MARK2: variants seen among roughly 807,000 people sequenced by gnomAD.
MARK2 encodes serine/threonine-protein kinase MARK2.
A neutral mutation model predicts 89.8 loss-of-function variants in MARK2; 16 were observed. The ratio of observed to expected loss-of-function variants is 0.18; its 90% CI spans 0.12 to 0.27. The LOEUF (loss-of-function observed/expected upper bound fraction) is 0.27, where lower values mean the gene tolerates loss of function less well. Among genes scored for constraint, MARK2 ranks in the 10% least tolerant of loss-of-function variants. The pLI, the probability that MARK2 is intolerant of heterozygous loss-of-function variation, is 1.00. For missense variants in MARK2, 621 were observed against 1,049.9 expected (o/e 0.59, Z 5.65); for synonymous variants, 382 against 399.5 (o/e 0.96, Z 0.52).
At chr11:63,907,661 C>T (rs564665762) in intron 17 of MARK2, among the ~76,000 whole-genome samples, 2 of 151,712 alleles carry the variant, frequency 1.3e-5, no homozygotes, top group Non-Finnish European at 2.9e-5. Flanking sequence ...TGGGAAAGGT[C>T]GGAGGAGGCC....
Position 63,895,213 on chromosome 11 carries a change from G to T in MARK2, c.109G>T (p.Gly37Cys), listed in dbSNP as rs1565133435. Residue 37 changes from glycine to cysteine, a missense_variant, in exon 2 of 19, where the codon GGC (glycine) becomes TGC (cysteine). Coordinates refer to ENST00000402010, the MANE Select transcript of MARK2 (RefSeq NM_001039469.3). ...KPSSKSNMIR[G>C]RNSATSADEQ... Reference sequence around the variant, plus strand: ...CAGCAGTAAGTCCAACATGATTCGGGGCCGCAACTCAGCCACCTCTGCTGA... The same window carrying T: ...CAGCAGTAAGTCCAACATGATTCGGTGCCGCAACTCAGCCACCTCTGCTGA... 6.2e-7 allele frequency: 1 copy of T among 1,614,088 alleles called. No individual in the cohort carries two copies. The highest frequency in any genetic ancestry group is 1.3e-5 in the African/African-American group (1 of 75,024).
intron 17 of MARK2, among the ~76,000 whole-genome samples, chr11:63,907,350 C>T (rs535546089): frequency 8.5e-5 from 13 of 152,342 alleles, no homozygotes; most frequent in East Asian, 3.9e-4. Context: ...GTGCCTTCCT[C>T]GCACAGCCGG....
At chr11:63,884,436 G>A (rs1353716400) in intron 1 of MARK2, among the ~76,000 whole-genome samples, 1 of 152,244 alleles carries the variant, frequency 6.6e-6, no homozygotes, top group African/African-American at 2.4e-5. Flanking sequence ...GGGGAGCCCC[G>A]CCTCATGGCC....
intron 11 of MARK2, among the ~76,000 whole-genome samples, chr11:63,901,718 G>GTGTGTA (rs1313145765): frequency 6.1e-4 from 92 of 151,878 alleles, no homozygotes; most frequent in African/African-American, 2.1e-3. Flanking sequence ...GTGTGTGTGT[G>GTGTGTA]TGTGTATGTG....
chr11:63,843,919 C>T (rs1228665884), intron 1 of MARK2, among the ~76,000 whole-genome samples: 4 of 152,012 alleles, frequency 2.6e-5, no homozygotes, highest in African/African-American at 4.8e-5. Context: ...TAGATTGGAT[C>T]GGCTAGCTAG....
At chr11:63,894,556 C>T (rs913621149) in intron 1 of MARK2, among the ~76,000 whole-genome samples, 15 of 152,012 alleles carry the variant, frequency 9.9e-5, no homozygotes, top group Non-Finnish European at 2.2e-4. Flanking sequence ...ATTAGCCAGG[C>T]GTGGTGGCGC....
Position 63,898,852 on chromosome 11 carries a change from A to G in MARK2, c.474+19A>G, listed in dbSNP as rs969239731. 1.2e-6 allele frequency: 2 copies of G among 1,609,334 alleles called. No individual in the cohort carries two copies. Among genetic ancestry groups the G allele is most frequent in the African/African-American group, 2.7e-5 (2 of 74,922 alleles). Reference sequence around the variant, plus strand: ...CCGCCAGGTAGGTGTGACTCCCTCCATAGGAGCTAGGCCTGACCTCTGCTT... The same window carrying G: ...CCGCCAGGTAGGTGTGACTCCCTCCGTAGGAGCTAGGCCTGACCTCTGCTT... On this transcript the variant is annotated intron_variant, in intron 6 of 18. Transcript: ENST00000402010.
At position 63,900,809 on chromosome 11, in the gene MARK2, G is replaced by C; in HGVS notation, c.918G>C (p.Val306=). ...TCATGAAAGATCGATGGATGAATGT[G>C]GGTCACGAAGATGATGAACTAAAGC... ...EQIMKDRWMN[V]GHEDDELKPY... is the part of the protein sequence containing the mutation. The change falls in exon 10 of 19, where the codon GTG becomes GTC. Residue 306 remains valine, a synonymous_variant. Transcript: ENST00000402010. This position sits in a 1 kb window ranked among gnomAD's most constrained non-coding sequence, Gnocchi z 4.7. The C allele has an allele frequency of 6.2e-7, 1 of 1,614,160 alleles. No homozygotes were observed. The highest frequency in any genetic ancestry group is 8.5e-7 in the Non-Finnish European group (1 of 1,180,022).
chr11:63,841,798 C>G (rs1011688411), intron 1 of MARK2, among the ~76,000 whole-genome samples: 4 of 152,218 alleles, frequency 2.6e-5, no homozygotes, highest in African/African-American at 9.7e-5. Flanking sequence ...GTGCTGCTTA[C>G]TACATGTAAA....
chr11:63,854,186 C>CTGTGTGTGTGTGTGTGTGTGTG (rs55689743), intron 1 of MARK2, among the ~76,000 whole-genome samples: 2 of 141,560 alleles, frequency 1.4e-5, no homozygotes, highest in Non-Finnish European at 3.0e-5. Context: ...ACTATTAATT[C>CTGTGTGTGTGTGTGTGTGTGTG]TGTGTGTGTG....
Position 63,872,630 on chromosome 11 carries a change from A to G in MARK2, c.55-22529A>G, listed in dbSNP as rs540204987. 1.7e-4 allele frequency among the ~76,000 whole-genome samples: 26 copies of G among 152,106 alleles called. No individual in the cohort carries two copies. The East Asian group carries it at 4.8e-3, about 28-fold the overall frequency. ...CACCTCCTGCTATGTTCTAGTTCTGATAGGAGTACCATTCAGAGTTCTTGG... is the reference window on the plus strand; with the variant it reads ...CACCTCCTGCTATGTTCTAGTTCTGGTAGGAGTACCATTCAGAGTTCTTGG... On this transcript the variant is annotated intron_variant, in intron 1 of 18. Coordinates refer to ENST00000402010, the MANE Select transcript of MARK2 (RefSeq NM_001039469.3).
At chr11:63,907,931 CGTGTGCTCA>C (rs995449770) in intron 17 of MARK2, among the ~76,000 whole-genome samples, 12 of 152,374 alleles carry the variant, frequency 7.9e-5, no homozygotes, top group South Asian at 4.1e-4. Context: ...CGTGCCGGGC[CGTGTGCTCA>C]GTGTGCTCAG....
intron 1 of MARK2, among the ~76,000 whole-genome samples, chr11:63,874,212 C>T (rs1009061431): frequency 3.5e-4 from 53 of 152,228 alleles, no homozygotes; most frequent in Non-Finnish European, 6.2e-4. Flanking sequence ...GCTGCCTTAT[C>T]CCCTCTGCCC....
rs1157912470 is a variant in MARK2, at chr11:63,908,278, A to C, written c.1980A>C (p.Glu660Asp). 1 of 1,566,488 alleles carries C rather than the reference A, an allele frequency of 6.4e-7. No individual in the cohort carries two copies. Among genetic ancestry groups the C allele is most frequent in the East Asian group, 2.4e-5 (1 of 42,362 alleles). ...RFARRNLNEP[E>D]SKDRVETLRP... is the part of the protein sequence containing the mutation. Reference sequence around the variant, plus strand: ...TTTTGAGGAACCTGAATGAACCTGAAAGCAAAGACCGAGTGGAGACGCTCA... The same window carrying C: ...TTTTGAGGAACCTGAATGAACCTGACAGCAAAGACCGAGTGGAGACGCTCA... The change falls in exon 18 of 19, where the codon GAA becomes GAC. Residue 660 changes from glutamate (E) to aspartate (D), a missense_variant. By Grantham distance (45) the Glu-to-Asp change is conservative. Coordinates refer to ENST00000402010, the MANE Select transcript of MARK2 (RefSeq NM_001039469.3).
At chr11:63,899,172 A>G (rs1940660136) in intron 7 of MARK2, 64 bp downstream of exon 7, 4 of 1,016,966 alleles carry the variant, frequency 3.9e-6, no homozygotes, top group South Asian at 2.5e-5. Context: ...TTGGTTCTCC[A>G]TGATAAAACC....
intron 2 of MARK2, 59 bp from the exon 3 acceptor site, chr11:63,895,521 G>T: frequency 6.6e-7 from 1 of 1,521,382 alleles, no homozygotes; most frequent in Non-Finnish European, 9.1e-7. Flanking sequence ...GAAGTAGATT[G>T]GAATCCTGGG....
chr11:63,865,395 T>C (rs1205389231), intron 1 of MARK2, among the ~76,000 whole-genome samples: 4 of 152,172 alleles, frequency 2.6e-5, no homozygotes, highest in Non-Finnish European at 4.4e-5. Flanking sequence ...CTCTTTTTGT[T>C]AAGAGTGGAA....
chr11:63,850,911 G>A (rs570986798), intron 1 of MARK2, among the ~76,000 whole-genome samples: 3 of 151,904 alleles, frequency 2.0e-5, no homozygotes, highest in South Asian at 4.2e-4. Context: ...TGATCCTCCC[G>A]CATTGGCCTC....
chr11:63,877,863 A>C (rs1008442614), intron 1 of MARK2, among the ~76,000 whole-genome samples: 1 of 152,216 alleles, frequency 6.6e-6, no homozygotes, highest in African/African-American at 2.4e-5. Context: ...GGGCACCTTC[A>C]GCCTAAAGCC....
Sources: allele counts gnomAD v4.1 joint callset (sites outside exome capture counted in the v4.1 genomes callset), GRCh38; gene constraint gnomAD v4.1.1; non-coding constraint Gnocchi (gnomAD v3.1); transcripts MANE v1.5; gene names NCBI Gene and HGNC (gene_info 2026-07-23, HGNC 2026-07-21).